The following CELF2 variants were observed in gnomAD, a reference collection of about 807,000 sequenced individuals.
The protein encoded by CELF2 is CUG triplet repeat RNA-binding protein 2.
A neutral mutation model predicts 62.6 loss-of-function variants in CELF2; 8 were observed. The observed-to-expected ratio is 0.13, with a 90% CI of 0.07 to 0.23. The LOEUF is 0.23. Among genes scored for constraint, CELF2 ranks in the 10% least tolerant of loss-of-function variants. The pLI is 1.00. For missense variants in CELF2, 333 were observed against 671.0 expected (o/e 0.50, Z 5.56); for synonymous variants, 258 against 250.0 (o/e 1.03, Z -0.30).
At chr10:11,154,876 T>C (rs911912068) in intron 1 of CELF2, among the ~76,000 whole-genome samples, 2 of 152,120 alleles carry the variant, frequency 1.3e-5, no homozygotes, top group African/African-American at 4.8e-5. Context: ...CCGGACAAGA[T>C]GACAAAAACA....
chr10:11,089,270 A>C (rs766196153), intron 1 of CELF2, among the ~76,000 whole-genome samples: 4 of 152,252 alleles, frequency 2.6e-5, no homozygotes, highest in African/African-American at 4.8e-5. Flanking sequence ...GGAGGTTGGC[A>C]GCCGATGGCA....
At chr10:11,322,452 G>C (rs1467946663) in intron 11 of CELF2, among the ~76,000 whole-genome samples, 2 of 152,216 alleles carry the variant, frequency 1.3e-5, no homozygotes, top group Admixed American at 1.3e-4. Flanking sequence ...AGCTCCTTTA[G>C]AGCAAAATCT....
At position 11,018,075 on chromosome 10, in the gene CELF2, C is replaced by T. The variant is rs751285204; in HGVS notation, c.-15C>T. ...GAGCCGCCCCCCGCCGCTGCCGCCG[C>T]GTGCGCCCGCGAACATGACTTCTGC... On this transcript the variant is annotated 5_prime_UTR_variant, in exon 1 of 13. Transcript: ENST00000633077. 6.9e-7 allele frequency: 1 copy of T among 1,450,222 alleles called. No individual in the cohort carries two copies. The highest frequency in any genetic ancestry group is 9.2e-7 in the Non-Finnish European group (1 of 1,087,250). The allele number at this position is 1,450,222 out of a possible 1,614,324, so 89.8% of individuals were successfully genotyped here.
intron 1 of CELF2, among the ~76,000 whole-genome samples, chr10:10,804,855 A>G (rs1173882995): frequency 1.3e-5 from 2 of 152,168 alleles, no homozygotes; most frequent in African/African-American, 4.8e-5. Flanking sequence ...CCTAAGATGC[A>G]TCCCAGATTC....
At chr10:10,596,586 G>A in the CELF2 span, among the ~76,000 whole-genome samples, 5 of 152,306 alleles carry the variant, frequency 3.3e-5, no homozygotes, top group South Asian at 1.0e-3. Context: ...GGATCATAGA[G>A]GATGGAGTTT....
intron 1 of CELF2, among the ~76,000 whole-genome samples, chr10:11,141,741 T>C (rs186183579): frequency 1.3e-5 from 2 of 152,338 alleles, no homozygotes; most frequent in East Asian, 3.9e-4. Context: ...AGGCTGAAAA[T>C]TCAGAGAACT....
Position 10,852,192 on chromosome 10 carries a change from A to G in CELF2, c.53+53375A>G, listed in dbSNP as rs533248874. ...TCTGTATTAGCCCAAACTGGAAGCAACCCAGATGTCCTTCAGTGTGGATGA... is the reference window on the plus strand; with the variant it reads ...TCTGTATTAGCCCAAACTGGAAGCAGCCCAGATGTCCTTCAGTGTGGATGA... On this transcript the variant is annotated intron_variant, in intron 1 of 13. Transcript: ENST00000636488. Among the ~76,000 whole-genome samples, 8 of 152,358 alleles carry G rather than the reference A, an allele frequency of 5.3e-5. No individual in the cohort carries two copies. In the East Asian group the frequency reaches 1.5e-3, roughly 29 times the overall value.
chr10:10,833,448 G>A (rs912569801), intron 1 of CELF2, among the ~76,000 whole-genome samples: 3 of 152,110 alleles, frequency 2.0e-5, no homozygotes, highest in Non-Finnish European at 2.9e-5. Flanking sequence ...CTTGGGTCAG[G>A]GTGAGGCCAG....
At chr10:11,272,106 G>A (rs150502319) in intron 7 of CELF2, among the ~76,000 whole-genome samples, 111 of 152,234 alleles carry the variant, frequency 7.3e-4, no homozygotes, top group Middle Eastern at 6.8e-3. Flanking sequence ...GTATATAATA[G>A]CTCTTCAGTA....
At chr10:10,821,964 T>C (rs1034160035) in intron 1 of CELF2, among the ~76,000 whole-genome samples, 1 of 152,176 alleles carries the variant, frequency 6.6e-6, no homozygotes, top group Non-Finnish European at 1.5e-5. Flanking sequence ...GATGATTTTA[T>C]TTCTCCCCTG....
rs371371260 is a variant in CELF2, at chr10:11,319,555, G to A, written c.1097-1634G>A. Among the ~76,000 whole-genome samples the A allele has an allele frequency of 3.2e-4, 48 of 152,130 alleles. 1 individual carries two copies. Among genetic ancestry groups the A allele is most frequent in the African/African-American group, 9.4e-4 (39 of 41,406 alleles). On this transcript the variant is annotated intron_variant, in intron 10 of 12. Transcript: ENST00000633077. This position sits in a 1 kb window ranked among gnomAD's most constrained non-coding sequence, Gnocchi z 4.4. ...AGAAAACATTAATGAAAATCTCAAT[G>A]ATTTTCATTAATAGATAGACCCCTT...
the CELF2 span, among the ~76,000 whole-genome samples, chr10:10,667,818 T>C: frequency 6.6e-6 from 1 of 152,174 alleles, no homozygotes; most frequent in African/African-American, 2.4e-5. Flanking sequence ...CCATGCCATT[T>C]TCCAGCCAGG....
intron 1 of CELF2, among the ~76,000 whole-genome samples, chr10:11,006,414 A>G (rs1335171963): frequency 6.6e-6 from 1 of 152,204 alleles, no homozygotes; most frequent in Non-Finnish European, 1.5e-5. Flanking sequence ...GGTTGGATTA[A>G]GTTAGAGATT....
chr10:11,328,908 T>C lies in CELF2; in HGVS notation c.1439-18T>C. ...GGGCTTCCTCTCCAGGCTGACTCCC[T>C]CTCTCGGTATTTTCCAGGTTTTGTT... On this transcript the variant is annotated intron_variant, in intron 12 of 12. Transcript: ENST00000633077. The surrounding 1 kb of genome is among the most constrained non-coding windows in gnomAD (Gnocchi z 6.4). The C allele has an allele frequency of 6.2e-7, 1 of 1,602,612 alleles. No individual in the cohort carries two copies. The highest frequency in any genetic ancestry group is 8.5e-7 in the Non-Finnish European group (1 of 1,171,650).
At chr10:11,066,356 C>T (rs898002741) in intron 1 of CELF2, among the ~76,000 whole-genome samples, 12 of 151,806 alleles carry the variant, frequency 7.9e-5, no homozygotes, top group Non-Finnish European at 1.3e-4. Context: ...AATCACTGTA[C>T]GTTGATTAAC....
chr10:10,953,176 T>C (rs544971035), intron 2 of CELF2, among the ~76,000 whole-genome samples: 41 of 152,348 alleles, frequency 2.7e-4, no homozygotes, highest in African/African-American at 8.7e-4. Flanking sequence ...TGTTATTGCA[T>C]TGAGGCTTTT....
intron 1 of CELF2, among the ~76,000 whole-genome samples, chr10:11,158,466 G>A (rs1278774115): frequency 6.6e-6 from 1 of 152,000 alleles, no homozygotes; most frequent in Non-Finnish European, 1.5e-5. Flanking sequence ...AACGCCTCCT[G>A]CTTGGCCCTG....
chr10:10,743,816 T>C, the CELF2 span, among the ~76,000 whole-genome samples: 2 of 152,196 alleles, frequency 1.3e-5, no homozygotes, highest in Non-Finnish European at 2.9e-5. Context: ...CTTTAGGCAA[T>C]TGTTCCTAAA....
intron 1 of CELF2, among the ~76,000 whole-genome samples, chr10:10,837,289 C>T (rs560457968): frequency 2.8e-4 from 43 of 152,314 alleles, no homozygotes; most frequent in Non-Finnish European, 4.7e-4. Context: ...TTTCCCCTTT[C>T]ACTTGGCTCT....
Sources: allele counts gnomAD v4.1 joint callset (sites outside exome capture counted in the v4.1 genomes callset), GRCh38; gene constraint gnomAD v4.1.1; non-coding constraint Gnocchi (gnomAD v3.1); transcripts MANE v1.5; gene names NCBI Gene and HGNC (gene_info 2026-07-23, HGNC 2026-07-21).